APOBEC4: variants seen among roughly 807,000 people sequenced by gnomAD.
APOBEC4 encodes the protein apolipoprotein B mRNA editing enzyme catalytic polypeptide like 4, also known as putative deaminase APOBEC-4.
For synonymous variants in APOBEC4, 141 were observed against 154.2 expected, an observed-to-expected ratio of 0.91 and a Z score of 0.63; for missense variants, 375 against 441.2, an observed-to-expected ratio of 0.85 and a Z score of 1.34.
intron 1 of APOBEC4, among the ~76,000 whole-genome samples, chr1:183,650,385 T>G (rs1480034036): frequency 6.6e-6 from 1 of 151,890 alleles, no homozygotes; most frequent in African/African-American, 2.4e-5. Context: ...CTACTAAAAA[T>G]GTAAAAAATT....
intron 1 of APOBEC4, among the ~76,000 whole-genome samples, chr1:183,650,339 G>T (rs1392243540): frequency 6.6e-6 from 1 of 152,056 alleles, no homozygotes. Flanking sequence ...GTCAGGAGAT[G>T]GAGACAATCC....
chr1:183,649,164 G>C (rs1295743383), intron 1 of APOBEC4, among the ~76,000 whole-genome samples: 5 of 152,212 alleles, frequency 3.3e-5, no homozygotes, highest in Non-Finnish European at 7.3e-5. Context: ...GGGAGCCACA[G>C]ATTCCTTGTC....
At chr1:183,651,190 A>T (rs1414579027) in intron 1 of APOBEC4, among the ~76,000 whole-genome samples, 2 of 152,204 alleles carry the variant, frequency 1.3e-5, no homozygotes, top group African/African-American at 4.8e-5. Flanking sequence ...TCATCAAAGC[A>T]TAATTAAGTA....
At chr1:183,649,507 G>T (rs1455221937) in intron 1 of APOBEC4, among the ~76,000 whole-genome samples, 1 of 151,920 alleles carries the variant, frequency 6.6e-6, no homozygotes, top group Non-Finnish European at 1.5e-5. Flanking sequence ...GGTTTTTTTT[G>T]AGACTAGGAT....
In APOBEC4 at chr1:183,648,043, T is replaced by A. The variant is rs747872468; in HGVS notation, c.739A>T (p.Lys247Ter). 1 of 1,614,246 alleles carries A rather than the reference T, an allele frequency of 6.2e-7. No individual in the cohort carries two copies. Among genetic ancestry groups the A allele is most frequent in the Non-Finnish European group, 8.5e-7 (1 of 1,180,046 alleles). Residue 247 changes from lysine to a stop codon, truncating the protein, a stop_gained, in exon 2 of 2, where the codon AAA (lysine) becomes TAA (stop). Coordinates refer to ENST00000308641, the MANE Select transcript of APOBEC4 (RefSeq NM_203454.3). LOFTEE classifies it low-confidence loss of function (END_TRUNC). ...PYFTDVLLQT[K>*]RNPNTKAQEA... ...TGAGCTTTTGTGTTTGGATTCCTTT[T>A]TGTCTGGAGAAGAACATCAGTGAAG...
rs186238689 is a variant in APOBEC4, at chr1:183,647,626, C to T, written c.*52G>A. The stretch of plus-strand genomic sequence containing the variant: ...AGAGAAAGTTTCCAGATTTTTATTG[C>T]CTATCTAATAAGTCCCTTGGTAATT... On this transcript the variant is annotated 3_prime_UTR_variant, in exon 2 of 2. Transcript: ENST00000308641. The T allele has an allele frequency of 8.4e-5, 126 of 1,508,654 alleles. No homozygotes were observed. The East Asian group carries it at 2.0e-3, about 24-fold the overall frequency. The allele number at this position is 1,508,654 out of a possible 1,614,324, so 93.5% of individuals were successfully genotyped here.
chr1:183,652,156 T>C (rs1185497711), intron 1 of APOBEC4, among the ~76,000 whole-genome samples: 2 of 152,234 alleles, frequency 1.3e-5, no homozygotes, highest in Non-Finnish European at 2.9e-5. Context: ...CTATATATAA[T>C]GGTCCCATAA....
At chr1:183,651,288 A>G (rs1321681527) in intron 1 of APOBEC4, among the ~76,000 whole-genome samples, 2 of 152,232 alleles carry the variant, frequency 1.3e-5, no homozygotes, top group African/African-American at 4.8e-5. Flanking sequence ...GAAAATTTAA[A>G]TGAGGTAAAC....
chr1:183,650,634 T>C (rs1650673713), intron 1 of APOBEC4, among the ~76,000 whole-genome samples: 1 of 152,012 alleles, frequency 6.6e-6, no homozygotes, highest in African/African-American at 2.4e-5. Flanking sequence ...TTAATTATTA[T>C]AACACTTTGA....
Position 183,647,862 on chromosome 1 carries a change from C to G in APOBEC4, c.920G>C (p.Gly307Ala). The stretch of plus-strand genomic sequence containing the variant: ...ATTCCTGGGTTTATTTGGGTTTTGG[C>G]CCATATGCATTGGTGGTAAGTCCCT... Reference protein sequence around the residue: ...PLRDLPPMHMGQNPNKPRNIV... With the variant: ...PLRDLPPMHMAQNPNKPRNIV... The change falls in exon 2 of 2, where the codon GGC becomes GCC. Residue 307 changes from glycine (G) to alanine (A), a missense_variant. Physicochemically the swap from Gly to Ala is moderately conservative, Grantham distance 60 (BLOSUM62 0). Coordinates refer to ENST00000308641, the MANE Select transcript of APOBEC4 (RefSeq NM_203454.3). 1 of 1,614,100 alleles carries G rather than the reference C, an allele frequency of 6.2e-7. No homozygotes were observed.
At chr1:183,651,765 T>A (rs1021848392) in intron 1 of APOBEC4, among the ~76,000 whole-genome samples, 11 of 152,208 alleles carry the variant, frequency 7.2e-5, no homozygotes, top group African/African-American at 2.4e-4. Flanking sequence ...CTAGACCTTG[T>A]CATAGCTTTC....
chr1:183,651,363 A>G (rs912619028), intron 1 of APOBEC4, among the ~76,000 whole-genome samples: 2 of 152,202 alleles, frequency 1.3e-5, no homozygotes, highest in African/African-American at 4.8e-5. Context: ...ACAAGTATGA[A>G]TACTTGTGCT....
chr1:183,651,654 C>T (rs1380448156), intron 1 of APOBEC4, among the ~76,000 whole-genome samples: 1 of 152,200 alleles, frequency 6.6e-6, no homozygotes, highest in Non-Finnish European at 1.5e-5. Context: ...TTTCTCCTAG[C>T]CTCTGCTGTG....
In APOBEC4 at chr1:183,648,308, A is replaced by G; in HGVS notation, c.474T>C (p.Tyr158=). The G allele has an allele frequency of 6.2e-7, 1 of 1,614,216 alleles. No individual in the cohort carries two copies. The highest frequency in any genetic ancestry group is 8.5e-7 in the Non-Finnish European group (1 of 1,180,040). ...AGGCAGGAAAGTCCATCTCAGTATGATAGAGCTGAGAAAAATAAATACTAA... is the reference window on the plus strand; with the variant it reads ...AGGCAGGAAAGTCCATCTCAGTATGGTAGAGCTGAGAAAAATAAATACTAA... ...ITLSIYFSQL[Y]HTEMDFPASA... The change falls in exon 2 of 2, where the codon TAT becomes TAC. Residue 158 remains tyrosine, a synonymous_variant. Coordinates refer to ENST00000308641, the MANE Select transcript of APOBEC4 (RefSeq NM_203454.3).
At chr1:183,652,112 A>G (rs188929993) in intron 1 of APOBEC4, among the ~76,000 whole-genome samples, 8 of 152,314 alleles carry the variant, frequency 5.3e-5, no homozygotes, top group African/African-American at 1.9e-4. Flanking sequence ...TGTCTTTATT[A>G]CTATTTCTTA....
At chr1:183,651,728 G>A (rs1260445907) in intron 1 of APOBEC4, among the ~76,000 whole-genome samples, 2 of 152,320 alleles carry the variant, frequency 1.3e-5, no homozygotes, top group Non-Finnish European at 2.9e-5. Flanking sequence ...TTTTCCTGAT[G>A]TAACTGAATT....
At position 183,648,251 on chromosome 1, in the gene APOBEC4, C is replaced by T. The variant is rs113062643; in HGVS notation, c.531G>A (p.Leu177=). 6.2e-7 allele frequency: 1 copy of T among 1,614,174 alleles called. No individual in the cohort carries two copies. The highest frequency in any genetic ancestry group is 1.7e-5 in the Admixed American group (1 of 60,020). ...AAACAACCCGCGGCCATAAGCTGGC[C>T]AGGCTCCGGAGAGCTTCGCGGTTCC... ...SAWNREALRS[L]ASLWPRVVLS... The change falls in exon 2 of 2, where the codon CTG becomes CTA. Residue 177 remains leucine, a synonymous_variant. Coordinates refer to ENST00000308641, the MANE Select transcript of APOBEC4 (RefSeq NM_203454.3).
chr1:183,651,546 C>T (rs1650752244), intron 1 of APOBEC4, among the ~76,000 whole-genome samples: 1 of 152,166 alleles, frequency 6.6e-6, no homozygotes, highest in Admixed American at 6.5e-5. Context: ...AAGCCTCAAT[C>T]CAGCTGTAGG....
intron 1 of APOBEC4, among the ~76,000 whole-genome samples, chr1:183,651,830 G>A (rs1010908679): frequency 2.0e-5 from 3 of 152,146 alleles, no homozygotes; most frequent in South Asian, 2.1e-4. Flanking sequence ...GGAACCTGAC[G>A]CCATTTCCTG....
Sources: gnomAD v4.1 joint callset for allele counts (sites outside exome capture counted in the v4.1 genomes callset) on GRCh38, gnomAD v4.1.1 for gene constraint, MANE v1.5 for transcripts, NCBI Gene and HGNC (gene_info 2026-07-23, HGNC 2026-07-21) for gene names.